The following PHF21B variants were observed in gnomAD, a reference collection of about 807,000 sequenced individuals.
The protein encoded by PHF21B is PHD finger protein 21B, also known as PHD finger protein 4.
A neutral mutation model predicts 62.2 loss-of-function variants in PHF21B; 22 were observed. The ratio of observed to expected loss-of-function variants is 0.35; its 90% CI spans 0.25 to 0.51. The LOEUF is 0.51. Ranked by LOEUF, PHF21B falls within the 20% of genes least tolerant of loss-of-function variation. The probability of loss-of-function intolerance (pLI) is 0.97; values close to 1 mark genes in which losing one functional copy is unlikely to be tolerated. For synonymous variants in PHF21B, 341 were observed against 314.7 expected (o/e 1.08, Z -0.88); for missense variants, 701 against 707.9 (o/e 0.99, Z 0.11).
rs774858625 is a variant in PHF21B, at chr22:44,883,269, G to A, written c.1413C>T (p.Arg471=). Residue 471 remains arginine, a synonymous_variant, in exon 13 of 13, where the codon CGC becomes CGT. Coordinates refer to ENST00000313237, the MANE Select transcript of PHF21B (RefSeq NM_138415.5). ...CCAGGGATGACTGGGTGCCCCTCTG[G>A]CGGGCCAGCAGGCTTGTCTTCAACT... ...CLELKTSLLA[R]QRGTQSSLDR... 1.2e-6 allele frequency: 2 copies of A among 1,613,786 alleles called. No individual in the cohort carries two copies. The highest frequency in any genetic ancestry group is 1.7e-6 in the Non-Finnish European group (2 of 1,179,964).
intron 2 of PHF21B, among the ~76,000 whole-genome samples, chr22:44,990,169 T>G (rs1362714805): frequency 6.6e-6 from 1 of 152,214 alleles, no homozygotes; most frequent in Non-Finnish European, 1.5e-5. Flanking sequence ...CCCACAGTCA[T>G]GGACACAGGT....
chr22:44,998,872 G>A (rs547483412), intron 2 of PHF21B, among the ~76,000 whole-genome samples: 17 of 152,208 alleles, frequency 1.1e-4, no homozygotes, highest in Admixed American at 3.9e-4. Context: ...TCATCCCCGG[G>A]ACATCACTGC....
At chr22:44,992,642 T>A (rs2147508370) in intron 2 of PHF21B, among the ~76,000 whole-genome samples, 1 of 152,330 alleles carries the variant, frequency 6.6e-6, no homozygotes, top group South Asian at 2.1e-4. Context: ...TGAGGCCGGC[T>A]CTGGCTTTTG....
At position 44,916,297 on chromosome 22, in the gene PHF21B, T is replaced by G; in HGVS notation, c.547A>C (p.Ile183Leu). 1 of 1,606,968 alleles carries G rather than the reference T, an allele frequency of 6.2e-7. No homozygotes were observed. Among genetic ancestry groups the G allele is most frequent in the African/African-American group, 1.3e-5 (1 of 74,652 alleles). ...SDSIKVQPLL[I>L]SADNKPPPRL... The stretch of plus-strand genomic sequence containing the variant: ...GCACTCACCTTGTTGTCAGCACTGA[T>G]GAGGAGGGGCTGGACTTTGATGCTG... Residue 183 changes from isoleucine (I) to leucine (L), a missense_variant, in exon 4 of 13, where the codon ATC (isoleucine) becomes CTC (leucine). Transcript: ENST00000313237.
intron 5 of PHF21B, among the ~76,000 whole-genome samples, chr22:44,896,880 G>GTTTTTTTTTTTTTTGTTTTTTTTTTTT (rs2071067349): frequency 1.2e-5 from 1 of 84,092 alleles, no homozygotes; most frequent in African/African-American, 4.1e-5. Context: ...AGTTTTATCT[G>GTTTTTTTTTTTTTTGTTTTTTTTTTTT]TTTTTTTTTT....
At position 44,936,707 on chromosome 22, in the gene PHF21B, A is replaced by AC. The variant is rs1452485347; in HGVS notation, c.121-16218dup. On this transcript the variant is annotated intron_variant, in intron 2 of 12. Transcript: ENST00000313237. ...TAAAATAATTATTAAAATGATTTTC[A>AC]CCCCCCCAGGTTAATTTCACTTGTT... is the stretch of plus-strand genomic sequence containing the variant. Among the ~76,000 whole-genome samples, 12 of 152,070 alleles carry AC rather than the reference A, an allele frequency of 7.9e-5. 1 individual carries two copies. The highest frequency in any genetic ancestry group is 4.8e-5 in the African/African-American group (2 of 41,496).
intron 7 of PHF21B, among the ~76,000 whole-genome samples, chr22:44,892,120 A>G (rs2070976989): frequency 6.6e-6 from 1 of 152,050 alleles, no homozygotes; most frequent in Non-Finnish European, 1.5e-5. Flanking sequence ...AGCAGCCTGC[A>G]TTTTCATGAA....
At chr22:44,900,216 C>T (rs955938578) in intron 5 of PHF21B, among the ~76,000 whole-genome samples, 1 of 152,146 alleles carries the variant, frequency 6.6e-6, no homozygotes, top group African/African-American at 2.4e-5. Flanking sequence ...ATGCTCACCC[C>T]AGTGCTGGTA....
At chr22:44,884,704 C>T (rs2070821274) in intron 12 of PHF21B, among the ~76,000 whole-genome samples, 1 of 149,788 alleles carries the variant, frequency 6.7e-6, no homozygotes, top group Non-Finnish European at 1.5e-5. Flanking sequence ...ACAACCATCA[C>T]CATCACCACC....
intron 2 of PHF21B, among the ~76,000 whole-genome samples, chr22:44,983,660 G>A (rs956621249): frequency 6.6e-6 from 1 of 152,026 alleles, no homozygotes; most frequent in African/African-American, 2.4e-5. Flanking sequence ...TCTACCCTAA[G>A]AAAAACCAAT....
intron 10 of PHF21B, 95 bp from the exon 11 acceptor site, chr22:44,886,033 C>CCCAAA: frequency 8.6e-7 from 1 of 1,160,984 alleles, no homozygotes; most frequent in Non-Finnish European, 1.2e-6. Context: ...GGGGCACGCC[C>CCCAAA]TGTCTGAGCC....
chr22:45,006,350 C>T (rs2073313712), intron 2 of PHF21B, among the ~76,000 whole-genome samples: 1 of 152,176 alleles, frequency 6.6e-6, no homozygotes, highest in Non-Finnish European at 1.5e-5. Context: ...AAAAAGTTTT[C>T]CTTGCTTTCT....
intron 2 of PHF21B, among the ~76,000 whole-genome samples, chr22:44,932,337 G>A (rs1253786589): frequency 6.6e-6 from 1 of 152,192 alleles, no homozygotes; most frequent in Non-Finnish European, 1.5e-5. Flanking sequence ...ACTCGTCCCT[G>A]TGTCACAGAC....
At chr22:44,883,861 C>T (rs2070781255) in intron 12 of PHF21B, among the ~76,000 whole-genome samples, 1 of 152,142 alleles carries the variant, frequency 6.6e-6, no homozygotes, top group Admixed American at 6.5e-5. Context: ...AAAGCCTCTT[C>T]ACAGCATTAT....
At chr22:44,910,803 GAA>G (rs1432059222) in intron 5 of PHF21B, among the ~76,000 whole-genome samples, 2 of 152,228 alleles carry the variant, frequency 1.3e-5, no homozygotes, top group Admixed American at 6.5e-5. Context: ...GGATGTTGCT[GAA>G]AAGATACCCC....
At chr22:44,886,121 C>G (rs561739123) in intron 10 of PHF21B, among the ~76,000 whole-genome samples, 183 bp from the exon 11 acceptor site, 1 of 152,074 alleles carries the variant, frequency 6.6e-6, no homozygotes, top group Non-Finnish European at 1.5e-5. Flanking sequence ...CACAGCTCCA[C>G]GAGGCTGGAA....
At chr22:44,944,522 T>C (rs993310663) in intron 2 of PHF21B, among the ~76,000 whole-genome samples, 4 of 152,218 alleles carry the variant, frequency 2.6e-5, no homozygotes, top group African/African-American at 7.2e-5. Flanking sequence ...CCTCGGTATT[T>C]GGACAAATTA....
At chr22:44,931,761 G>C (rs371210405) in intron 2 of PHF21B, among the ~76,000 whole-genome samples, 1 of 152,104 alleles carries the variant, frequency 6.6e-6, no homozygotes, top group South Asian at 2.1e-4. Context: ...TAGTTCTGCC[G>C]TGGAGGGTGT....
rs181180324 is a variant in PHF21B, at chr22:44,991,289, A to G, written c.120+17256T>C. Among the ~76,000 whole-genome samples the G allele has an allele frequency of 2.1e-3, 316 of 152,196 alleles. 1 individual carries two copies. Among genetic ancestry groups the G allele is most frequent in the Non-Finnish European group, 3.8e-3 (259 of 68,010 alleles). ...GGGTAAAAGAAAAGGCAGTCTGGCC[A>G]CTCCACGGTGCAGTACAGATTCTCC... On this transcript the variant is annotated intron_variant, in intron 2 of 12. Transcript: ENST00000313237.
Sources: gnomAD v4.1 joint callset for allele counts (sites outside exome capture counted in the v4.1 genomes callset) on GRCh38, gnomAD v4.1.1 for gene constraint, MANE v1.5 for transcripts, NCBI Gene and HGNC (gene_info 2026-07-23, HGNC 2026-07-21) for gene names.